RAG1: variants seen among roughly 807,000 people sequenced by gnomAD.
The protein encoded by RAG1 is recombination activating 1.
In RAG1, 35 loss-of-function variants were observed where a neutral mutation model predicts 62.7. That is an observed-to-expected ratio of 0.56 (90% CI 0.43 to 0.74). The LOEUF (loss-of-function observed/expected upper bound fraction) is 0.74, where lower values mean the gene tolerates loss of function less well. Among genes scored for constraint, RAG1 ranks in the 30% least tolerant of loss-of-function variants. The pLI is 0.00. For synonymous variants in RAG1, 461 were observed against 470.3 expected (o/e 0.98, Z 0.26); for missense variants, 1,169 against 1,278.6 (o/e 0.91, Z 1.31).
chr11:36,541,232 C>A (rs1184441225), intron 3 of RAG1, among the ~76,000 whole-genome samples: 1 of 152,192 alleles, frequency 6.6e-6, no homozygotes, highest in East Asian at 1.9e-4. Context: ...TGGGCGTACT[C>A]CTGAATTGAC....
chr11:36,513,395 G>C (rs185384756), intron 1 of RAG1, among the ~76,000 whole-genome samples: 6 of 152,294 alleles, frequency 3.9e-5, no homozygotes, highest in Non-Finnish European at 7.4e-5. Context: ...AGTTGGGAAG[G>C]TAAAACTTCC....
Position 36,575,533 on chromosome 11 carries a change from T to C in RAG1, c.2229T>C (p.Asn743=). The C allele has an allele frequency of 6.2e-7, 1 of 1,614,216 alleles. No individual in the cohort carries two copies. The highest frequency in any genetic ancestry group is 8.5e-7 in the Non-Finnish European group (1 of 1,180,040). Residue 743 remains asparagine, a synonymous_variant, in exon 2 of 2, where the codon AAT becomes AAC. Coordinates refer to ENST00000299440, the MANE Select transcript of RAG1 (RefSeq NM_000448.3). This position sits in a 1 kb window ranked among gnomAD's most constrained non-coding sequence, Gnocchi z 4.1. ...CDATRLEASQ[N]LVFHSITRSH... Reference sequence around the variant, plus strand: ...CCACCCGTCTGGAAGCCTCTCAAAATCTTGTCTTCCACTCTATAACCAGAA... The same window carrying C: ...CCACCCGTCTGGAAGCCTCTCAAAACCTTGTCTTCCACTCTATAACCAGAA...
intron 1 of RAG1, among the ~76,000 whole-genome samples, chr11:36,569,720 A>T (rs947691190): frequency 6.6e-6 from 1 of 152,150 alleles, no homozygotes; most frequent in Admixed American, 6.5e-5. Context: ...AATTCAAATG[A>T]TACAAAAATT....
rs139477887 is a variant in RAG1, at chr11:36,570,842, A to C, written c.-14-2449A>C. On this transcript the variant is annotated intron_variant, in intron 1 of 1. Coordinates refer to ENST00000299440, the MANE Select transcript of RAG1 (RefSeq NM_000448.3). ...CTTCCTTTGAGAAATGTCTATTCAGATATTTTACCTATTTTAAAATCGGAT... is the reference window on the plus strand; with the variant it reads ...CTTCCTTTGAGAAATGTCTATTCAGCTATTTTACCTATTTTAAAATCGGAT... Among the ~76,000 whole-genome samples, 6 of 152,290 alleles carry C rather than the reference A, an allele frequency of 3.9e-5. No homozygotes were observed. In the East Asian group the frequency reaches 1.2e-3, roughly 29 times the overall value.
chr11:36,569,619 T>C (rs967948145), intron 1 of RAG1, among the ~76,000 whole-genome samples: 6 of 152,242 alleles, frequency 3.9e-5, no homozygotes, highest in Non-Finnish European at 7.3e-5. Context: ...AAAGTGACTA[T>C]GAGCACATAT....
chr11:36,549,442 C>A (rs1850449628), intron 3 of RAG1, among the ~76,000 whole-genome samples: 1 of 152,158 alleles, frequency 6.6e-6, no homozygotes, highest in African/African-American at 2.4e-5. Context: ...ATACAAACAA[C>A]CCTATCAAAA....
intron 1 of RAG1, among the ~76,000 whole-genome samples, chr11:36,571,561 G>A (rs1278052230): frequency 2.6e-5 from 4 of 152,124 alleles, no homozygotes; most frequent in African/African-American, 9.7e-5. Context: ...CAATCTAATA[G>A]GATTTCTCTG....
intron 2 of RAG1, among the ~76,000 whole-genome samples, chr11:36,530,855 T>A (rs1860242599): frequency 6.6e-6 from 1 of 152,034 alleles, no homozygotes; most frequent in South Asian, 2.1e-4. Context: ...AGTTCTTATA[T>A]CCTTGCCAAT....
At chr11:36,565,839 G>A (rs1850654003), upstream of RAG1, 1 of 152,228 alleles carries the variant, frequency 6.6e-6, no homozygotes, top group Non-Finnish European at 1.5e-5. Context: ...ACACGGATGG[G>A]AGAAATTGGG....
upstream of RAG1, among the ~76,000 whole-genome samples, chr11:36,565,251 G>A (rs1462127132): frequency 2.0e-5 from 3 of 152,332 alleles, no homozygotes; most frequent in Non-Finnish European, 4.4e-5. Context: ...TGCAGGAGTA[G>A]ATTTTGATTG....
Position 36,575,956 on chromosome 11 carries a change from G to A in RAG1, c.2652G>A (p.Glu884=), listed in dbSNP as rs1402939919. ...AGGAGAGGCACGAGGCTCTGAGGGA[G>A]CTGATGGATCTTTACCTGAAGATGA... ...PSEERHEALR[E]LMDLYLKMKP... Residue 884 remains glutamate, a synonymous_variant, in exon 2 of 2, where the codon GAG becomes GAA. Coordinates refer to ENST00000299440, the MANE Select transcript of RAG1 (RefSeq NM_000448.3). This position sits in a 1 kb window ranked among gnomAD's most constrained non-coding sequence, Gnocchi z 4.1. 1.2e-6 allele frequency: 2 copies of A among 1,614,072 alleles called. No individual in the cohort carries two copies. Among genetic ancestry groups the A allele is most frequent in the African/African-American group, 2.7e-5 (2 of 74,940 alleles).
chr11:36,550,064 T>C (rs572123496), intron 3 of RAG1, among the ~76,000 whole-genome samples: 1 of 152,164 alleles, frequency 6.6e-6, no homozygotes, highest in Non-Finnish European at 1.5e-5. Flanking sequence ...AGTTGAACAA[T>C]GAGAACACAT....
At chr11:36,546,209 T>A (rs2133269358) in intron 3 of RAG1, among the ~76,000 whole-genome samples, 1 of 152,330 alleles carries the variant, frequency 6.6e-6, no homozygotes. Flanking sequence ...TGTGTGGGAT[T>A]CTAAGCCTCT....
At chr11:36,529,918 T>G (rs1860227547) in intron 2 of RAG1, among the ~76,000 whole-genome samples, 1 of 152,058 alleles carries the variant, frequency 6.6e-6, no homozygotes, top group Non-Finnish European at 1.5e-5. Context: ...TATTAACTAT[T>G]TGGTTGAATT....
chr11:36,551,815 A>T (rs549949822), intron 3 of RAG1, among the ~76,000 whole-genome samples: 1,748 of 141,240 alleles, frequency 0.012, 27 homozygotes, highest in African/African-American at 0.044. Flanking sequence ...TGTCCATGTG[A>T]TCTCATTGTT....
chr11:36,532,130 T>C (rs887385298), intron 2 of RAG1, among the ~76,000 whole-genome samples: 4 of 152,060 alleles, frequency 2.6e-5, no homozygotes, highest in African/African-American at 4.8e-5. Context: ...ATATCTCCTT[T>C]TGAATTTTCT....
chr11:36,558,207 G>A (rs1051440791), intron 3 of RAG1, among the ~76,000 whole-genome samples: 2 of 152,142 alleles, frequency 1.3e-5, no homozygotes, highest in Non-Finnish European at 2.9e-5. Flanking sequence ...ATCTATCCTG[G>A]AGAATGTTTC....
Position 36,573,553 on chromosome 11 carries a change from C to T in RAG1, c.249C>T (p.Ala83=). ...TCCCAACTCAGCCATTGTTAAAAGCCCACCCTAAGTTTTCAAAGAAATTTC... is the reference window on the plus strand; with the variant it reads ...TCCCAACTCAGCCATTGTTAAAAGCTCACCCTAAGTTTTCAAAGAAATTTC... ...KPVPTQPLLK[A]HPKFSKKFHD... The change falls in exon 2 of 2, where the codon GCC becomes GCT. Residue 83 remains alanine, a synonymous_variant. Coordinates refer to ENST00000299440, the MANE Select transcript of RAG1 (RefSeq NM_000448.3). 1 of 1,614,090 alleles carries T rather than the reference C, an allele frequency of 6.2e-7. No homozygotes were observed. The highest frequency in any genetic ancestry group is 8.5e-7 in the Non-Finnish European group (1 of 1,180,030).
At chr11:36,528,920 A>G (rs1283411424) in intron 2 of RAG1, among the ~76,000 whole-genome samples, 1 of 152,204 alleles carries the variant, frequency 6.6e-6, no homozygotes, top group Non-Finnish European at 1.5e-5. Context: ...TCCCAGACAC[A>G]TATACCCTCC....
Sources: gnomAD v4.1 joint callset for allele counts (sites outside exome capture counted in the v4.1 genomes callset) on GRCh38, gnomAD v4.1.1 for gene constraint, Gnocchi (gnomAD v3.1) non-coding constraint, MANE v1.5 for transcripts, NCBI Gene and HGNC (gene_info 2026-07-23, HGNC 2026-07-21) for gene names.